METTL21C: variants seen among roughly 807,000 people sequenced by gnomAD.
METTL21C encodes the protein methyltransferase 21C, AARS1 lysine, also known as protein-lysine methyltransferase METTL21C.
In METTL21C, 21 loss-of-function variants were observed where a neutral mutation model predicts 25.9. That is an observed-to-expected ratio of 0.81 (90% CI 0.58 to 1.17). The LOEUF (loss-of-function observed/expected upper bound fraction) is 1.17. METTL21C is among the 50% of genes most tolerant of loss of function. The probability of loss-of-function intolerance (pLI) is 0.00; values close to 1 mark genes in which losing one functional copy is unlikely to be tolerated. For synonymous variants in METTL21C, 125 were observed against 124.7 expected (o/e 1.00, Z -0.01); for missense variants, 312 against 315.1 (o/e 0.99, Z 0.07).
intron 3 of METTL21C, among the ~76,000 whole-genome samples, chr13:102,686,649 A>G (rs940697552): frequency 3.9e-5 from 6 of 152,174 alleles, no homozygotes; most frequent in Non-Finnish European, 8.8e-5. Context: ...ACCTGATGTC[A>G]GTAGCTCCCC....
chr13:102,693,768 G>A (rs894302441), intron 1 of METTL21C, among the ~76,000 whole-genome samples: 2 of 152,148 alleles, frequency 1.3e-5, no homozygotes, highest in African/African-American at 4.8e-5. Context: ...TTTCAGATAA[G>A]GTAGAGTTGC....
chr13:102,696,258 A>G (rs1179249368), upstream of METTL21C, among the ~76,000 whole-genome samples: 1 of 152,130 alleles, frequency 6.6e-6, no homozygotes, highest in Non-Finnish European at 1.5e-5. Context: ...GCAAACTAAC[A>G]CAGGAACAGA....
At chr13:102,701,578 TTA>T in the METTL21C span, among the ~76,000 whole-genome samples, 1 of 152,148 alleles carries the variant, frequency 6.6e-6, no homozygotes, top group Non-Finnish European at 1.5e-5. Context: ...TGGAGGTTTG[TTA>T]TCACACATAC....
At chr13:102,686,729 T>C (rs1470265784) in intron 3 of METTL21C, among the ~76,000 whole-genome samples, 3 of 152,208 alleles carry the variant, frequency 2.0e-5, no homozygotes, top group Non-Finnish European at 4.4e-5. Flanking sequence ...CTTCGTCCCA[T>C]GGAAACTGGT....
chr13:102,702,163 CA>C, the METTL21C span, among the ~76,000 whole-genome samples: 61 of 120,164 alleles, frequency 5.1e-4, no homozygotes, highest in South Asian at 5.2e-4. Flanking sequence ...GACTCTGCCT[CA>C]AAAAAAAAAA....
the METTL21C span, among the ~76,000 whole-genome samples, chr13:102,702,118 C>G: frequency 3.3e-5 from 5 of 151,018 alleles, no homozygotes; most frequent in Admixed American, 2.6e-4. Flanking sequence ...GAGCTGAGAT[C>G]GTGCCCTTGC....
In METTL21C at chr13:102,690,143, G is replaced by A. The variant is rs149632425; in HGVS notation, c.282+670C>T. 1.9e-3 allele frequency among the ~76,000 whole-genome samples: 285 copies of A among 152,210 alleles called. 1 individual carries two copies. The highest frequency in any genetic ancestry group is 6.4e-3 in the African/African-American group (265 of 41,520). The stretch of plus-strand genomic sequence containing the variant: ...AAAAGAGATGAATGGCTGGCCGGCC[G>A]GGCGTGGTGGTTCACGCTTGTAATC... On this transcript the variant is annotated intron_variant, in intron 2 of 3. Coordinates refer to ENST00000267273, the MANE Select transcript of METTL21C (RefSeq NM_001010977.3).
chr13:102,687,128 C>G, intron 2 of METTL21C, 71 bp from the exon 3 acceptor site: 1 of 1,142,658 alleles, frequency 8.8e-7, no homozygotes, highest in South Asian at 1.3e-5. Context: ...TTTCTGGCAC[C>G]CAAATTTAAA....
chr13:102,690,200 C>T (rs777089401), intron 2 of METTL21C, among the ~76,000 whole-genome samples: 43 of 152,096 alleles, frequency 2.8e-4, no homozygotes, highest in Admixed American at 7.2e-4. Context: ...GTGGGCAGAT[C>T]ACTTGAGGTC....
At chr13:102,687,880 C>T (rs1885717050) in intron 2 of METTL21C, among the ~76,000 whole-genome samples, 1 of 152,146 alleles carries the variant, frequency 6.6e-6, no homozygotes, top group Non-Finnish European at 1.5e-5. Flanking sequence ...TCTTCTCCCT[C>T]CACCTTCCTC....
upstream of METTL21C, among the ~76,000 whole-genome samples, chr13:102,695,783 C>A (rs1851254750): frequency 6.6e-6 from 1 of 152,324 alleles, no homozygotes; most frequent in East Asian, 1.9e-4. Flanking sequence ...GCATCTAGTT[C>A]TATGATTGCA....
the METTL21C span, among the ~76,000 whole-genome samples, chr13:102,704,075 T>A: frequency 6.6e-6 from 1 of 152,220 alleles, no homozygotes; most frequent in Non-Finnish European, 1.5e-5. Context: ...TAAATTGCCG[T>A]AACTCATAAA....
chr13:102,693,354 G>A (rs1566390347), intron 1 of METTL21C, among the ~76,000 whole-genome samples: 1 of 152,202 alleles, frequency 6.6e-6, no homozygotes, highest in East Asian at 1.9e-4. Flanking sequence ...CTGAAATTCA[G>A]GTGCCAGTAC....
At position 102,687,883 on chromosome 13, in the gene METTL21C, C is replaced by A. The variant is rs990414693; in HGVS notation, c.283-826G>T. On this transcript the variant is annotated intron_variant, in intron 2 of 3. Transcript: ENST00000267273. ...CTTTATTCGTTCTCTTCTCCCTCCA[C>A]CTTCCTCTAACCTTTCCACAAAGAG... is the stretch of plus-strand genomic sequence containing the variant. Among the ~76,000 whole-genome samples the A allele has an allele frequency of 9.2e-5, 14 of 152,290 alleles. No individual in the cohort carries two copies. The South Asian group carries it at 1.2e-3, about 14-fold the overall frequency.
upstream of METTL21C, among the ~76,000 whole-genome samples, chr13:102,699,475 T>C (rs1298433224): frequency 3.3e-5 from 5 of 152,192 alleles, no homozygotes; most frequent in African/African-American, 9.7e-5. Context: ...AGGAGACTCA[T>C]TGATTTCCAC....
chr13:102,689,485 G>A (rs1350986434), intron 2 of METTL21C, among the ~76,000 whole-genome samples: 1 of 152,246 alleles, frequency 6.6e-6, no homozygotes, highest in Non-Finnish European at 1.5e-5. Context: ...ATCGCCAGAT[G>A]ACCTGAGGGA....
chr13:102,702,309 A>T, the METTL21C span, among the ~76,000 whole-genome samples: 2 of 152,074 alleles, frequency 1.3e-5, no homozygotes, highest in Non-Finnish European at 2.9e-5. Context: ...TTATTTATAC[A>T]TAATACACAC....
At position 102,694,120 on chromosome 13, in the gene METTL21C, C is replaced by G. The variant is rs536820053; in HGVS notation, c.130+249G>C. ...AAAATACAGCAAGCTTAGATCTATA[C>G]ATAGAAAAAAAACAAATGTGCAAAC... On this transcript the variant is annotated intron_variant, in intron 1 of 3. Coordinates refer to ENST00000267273, the MANE Select transcript of METTL21C (RefSeq NM_001010977.3). Among the ~76,000 whole-genome samples the G allele has an allele frequency of 4.0e-5, 6 of 151,080 alleles. No individual in the cohort carries two copies. In the South Asian group the frequency reaches 1.3e-3, roughly 32 times the overall value.
At position 102,694,554 on chromosome 13, in the gene METTL21C, T is replaced by A; in HGVS notation, c.-56A>T. 2 of 136,954 alleles carry A rather than the reference T, an allele frequency of 1.5e-5. 1 individual carries two copies. The highest frequency in any genetic ancestry group is 1.6e-5 in the Non-Finnish European group (2 of 124,390). 8.5% of individuals were successfully genotyped at this position (136,954 alleles called of 1,614,324 possible). A position where few individuals can be genotyped will look rare whatever the true frequency, so the allele number is the denominator to read the frequency against. On this transcript the variant is annotated 5_prime_UTR_variant, in exon 1 of 4. Coordinates refer to ENST00000267273, the MANE Select transcript of METTL21C (RefSeq NM_001010977.3). Reference sequence around the variant, plus strand: ...GAAAAGCAATCTACAAAAGAACGACTATAATCTACTGACTGACTGTTACTA... The same window carrying A: ...GAAAAGCAATCTACAAAAGAACGACAATAATCTACTGACTGACTGTTACTA...
Sources: gnomAD v4.1 joint callset for allele counts (sites outside exome capture counted in the v4.1 genomes callset) on GRCh38, gnomAD v4.1.1 for gene constraint, MANE v1.5 for transcripts, NCBI Gene and HGNC (gene_info 2026-07-23, HGNC 2026-07-21) for gene names.